STAMBP: variants seen among roughly 807,000 people sequenced by gnomAD.
The protein encoded by STAMBP is STAM binding protein.
STAMBP carries 31 observed loss-of-function variants against 50.7 expected under a neutral mutation model. The ratio of observed to expected loss-of-function variants is 0.61; its 90% CI spans 0.46 to 0.83. The LOEUF is 0.83. Among genes scored for constraint, STAMBP ranks in the 40% least tolerant of loss-of-function variants. The pLI is 0.00. For missense variants in STAMBP, 472 were observed against 518.9 expected (o/e 0.91, Z 0.88); for synonymous variants, 211 against 192.4 (o/e 1.10, Z -0.80).
At chr2:73,830,774 T>G (rs968477508) in intron 1 of STAMBP, 71 bp from the exon 2 acceptor site, 15 of 1,166,778 alleles carry the variant, frequency 1.3e-5, no homozygotes, top group Non-Finnish European at 1.6e-5. Context: ...TAGAGGTCTG[T>G]GAGATAAACT....
chr2:73,861,484 T>A (rs1015603313), intron 9 of STAMBP, among the ~76,000 whole-genome samples: 1 of 151,966 alleles, frequency 6.6e-6, no homozygotes, highest in Admixed American at 6.6e-5. Flanking sequence ...TAGCCTAGAA[T>A]GAACATTTTA....
At position 73,865,274 on chromosome 2, in the gene STAMBP, T is replaced by G. The variant is rs537140451; in HGVS notation, c.*3015T>G. ...ATTTTGATATGTTTCCAGTGGATTT[T>G]GAGAACACAGTTTTAGGACCAGAGT... On this transcript the variant is annotated 3_prime_UTR_variant, in exon 10 of 10. Transcript: ENST00000394070. 6.6e-6 allele frequency: 1 copy of G among 152,368 alleles called. No individual in the cohort carries two copies. The highest frequency in any genetic ancestry group is 2.4e-5 in the African/African-American group (1 of 41,586). The allele number at this position is 152,368 out of a possible 1,614,324, so 9.4% of individuals were successfully genotyped here. A position where few individuals can be genotyped will look rare whatever the true frequency, so the allele number is the denominator to read the frequency against.
intron 2 of STAMBP, among the ~76,000 whole-genome samples, chr2:73,839,324 A>C (rs1675093815): frequency 6.6e-6 from 1 of 152,196 alleles, no homozygotes; most frequent in Non-Finnish European, 1.5e-5. Flanking sequence ...CAGACAATAA[A>C]CCAGGCAGTG....
At chr2:73,833,498 C>T (rs548085410) in intron 2 of STAMBP, among the ~76,000 whole-genome samples, 44 of 150,746 alleles carry the variant, frequency 2.9e-4, no homozygotes, top group Middle Eastern at 3.4e-3. Flanking sequence ...TTGACCCTGT[C>T]TTCTTTATAT....
Position 73,860,126 on chromosome 2 carries a change from A to G in STAMBP, c.1193A>G (p.His398Arg). Reference protein sequence around the residue: ...SSCRQKGFHPHSKDPPLFCSC... With the variant: ...SSCRQKGFHPRSKDPPLFCSC... ...TGTCGCCAGAAAGGATTTCATCCAC[A>G]CAGCAAGGATCCACCTCTGTTCTGT... Residue 398 changes from histidine (H) to arginine (R), a missense_variant, in exon 9 of 10, where the codon CAC becomes CGC. Physicochemically the swap from His to Arg is conservative, Grantham distance 29. Coordinates refer to ENST00000394070, the MANE Select transcript of STAMBP (RefSeq NM_213622.4). The G allele has an allele frequency of 6.2e-7, 1 of 1,613,962 alleles. No homozygotes were observed. The highest frequency in any genetic ancestry group is 8.5e-7 in the Non-Finnish European group (1 of 1,179,924).
chr2:73,847,874 A>G (rs1273893508), intron 5 of STAMBP, 121 bp downstream of exon 5: 1 of 1,298,346 alleles, frequency 7.7e-7, no homozygotes, highest in African/African-American at 1.5e-5. Context: ...ACAGAAACCC[A>G]TCTGATAAGT....
chr2:73,859,922 T>A, intron 8 of STAMBP, 130 bp from the exon 9 acceptor site: 1 of 631,936 alleles, frequency 1.6e-6, no homozygotes, highest in Non-Finnish European at 2.8e-6. Flanking sequence ...GGCAGCATCC[T>A]ACAGAAGCTG....
intron 2 of STAMBP, among the ~76,000 whole-genome samples, chr2:73,843,973 A>G (rs910813546): frequency 2.6e-5 from 4 of 152,212 alleles, no homozygotes; most frequent in Non-Finnish European, 5.9e-5. Flanking sequence ...CGTATGGAAG[A>G]AGTATGGTGT....
intron 2 of STAMBP, among the ~76,000 whole-genome samples, chr2:73,834,828 CTA>C (rs1674521891): frequency 6.6e-6 from 1 of 152,186 alleles, no homozygotes; most frequent in African/African-American, 2.4e-5. Context: ...ACACAGGTAA[CTA>C]TGTGTTTAGA....
At position 73,865,681 on chromosome 2, in the gene STAMBP, C is replaced by T. The variant is rs1357987188; in HGVS notation, c.*3422C>T. The T allele has an allele frequency of 6.6e-6, 1 of 152,180 alleles. No homozygotes were observed. Among genetic ancestry groups the T allele is most frequent in the East Asian group, 1.9e-4 (1 of 5,208 alleles). The allele number at this position is 152,180 out of a possible 1,614,324, so 9.4% of individuals were successfully genotyped here. ...ACCTCAAATGATGACAGAATGACATCTATATGCATATGAGGCCTACGTTAG... is the reference window on the plus strand; with the variant it reads ...ACCTCAAATGATGACAGAATGACATTTATATGCATATGAGGCCTACGTTAG... On this transcript the variant is annotated 3_prime_UTR_variant, in exon 10 of 10. Transcript: ENST00000394070.
chr2:73,852,950 G>GTGTGTT (rs1374481455), intron 7 of STAMBP, among the ~76,000 whole-genome samples: 1 of 147,196 alleles, frequency 6.8e-6, no homozygotes, highest in Non-Finnish European at 1.5e-5. Flanking sequence ...GTGTGTGTGT[G>GTGTGTT]TGTGTATTTT....
intron 2 of STAMBP, chr2:73,844,505 A>G (rs1675820732): frequency 5.3e-6 from 1 of 188,118 alleles, no homozygotes; most frequent in Non-Finnish European, 1.1e-5. Flanking sequence ...ACAACAAGAA[A>G]AAGATCTCTT....
chr2:73,873,103 G>A (rs984195456), intron 10 of STAMBP, among the ~76,000 whole-genome samples: 3 of 152,186 alleles, frequency 2.0e-5, no homozygotes, highest in South Asian at 4.1e-4. Context: ...CTGAGACACC[G>A]GGTTGTCTGC....
chr2:73,862,408 G>C lies in STAMBP; in HGVS notation c.*149G>C. ...AGAAAGAGCTGATTTTGTATTTCAG[G>C]TTTGAAAAGAAATAACTGAACATAT... On this transcript the variant is annotated 3_prime_UTR_variant, in exon 10 of 10. Coordinates refer to ENST00000394070, the MANE Select transcript of STAMBP (RefSeq NM_213622.4). 1 of 538,276 alleles carries C rather than the reference G, an allele frequency of 1.9e-6. No homozygotes were observed. 33.3% of individuals were successfully genotyped at this position (538,276 alleles called of 1,614,324 possible). A position where few individuals can be genotyped will look rare whatever the true frequency, so the allele number is the denominator to read the frequency against.
chr2:73,855,306 C>G (rs1351016066), intron 7 of STAMBP, among the ~76,000 whole-genome samples: 1 of 152,224 alleles, frequency 6.6e-6, no homozygotes, highest in Non-Finnish European at 1.5e-5. Flanking sequence ...ATTGTTTTCT[C>G]TTTGTCAAAG....
chr2:73,849,287 A>C, intron 5 of STAMBP, 76 bp from the exon 6 acceptor site: 1 of 1,607,476 alleles, frequency 6.2e-7, no homozygotes, highest in Non-Finnish European at 8.5e-7. Context: ...TTGCTCCTCC[A>C]GGGCTGCTGG....
At chr2:73,840,586 A>G (rs966823491) in intron 2 of STAMBP, among the ~76,000 whole-genome samples, 3 of 151,846 alleles carry the variant, frequency 2.0e-5, no homozygotes, top group African/African-American at 4.8e-5. Flanking sequence ...TCTACTAAAA[A>G]TACGCAAATT....
intron 4 of STAMBP, among the ~76,000 whole-genome samples, chr2:73,845,970 A>G (rs1676004199): frequency 6.6e-6 from 1 of 152,224 alleles, no homozygotes; most frequent in Admixed American, 6.5e-5. Flanking sequence ...TTAGGAAGTC[A>G]GTTAAAACAT....
intron 2 of STAMBP, among the ~76,000 whole-genome samples, chr2:73,833,976 C>T (rs567607289): frequency 8.6e-5 from 13 of 151,502 alleles, no homozygotes; most frequent in East Asian, 3.9e-4. Flanking sequence ...TTTGGGAGGC[C>T]GAAGTGGATG....
Sources: allele counts gnomAD v4.1 joint callset (sites outside exome capture counted in the v4.1 genomes callset), GRCh38; gene constraint gnomAD v4.1.1; transcripts MANE v1.5; gene names NCBI Gene and HGNC (gene_info 2026-07-23, HGNC 2026-07-21).